Variants in PTPN11 observed in about 807,000 individuals in gnomAD.
PTPN11 encodes the protein tyrosine-protein phosphatase non-receptor type 11.
PTPN11 carries 6 observed loss-of-function variants against 78.8 expected under a neutral mutation model. The ratio of observed to expected loss-of-function variants is 0.08; its 90% CI spans 0.04 to 0.15. The LOEUF is 0.15. Ranked by LOEUF, PTPN11 falls within the 10% of genes least tolerant of loss-of-function variation. The pLI, the probability that PTPN11 is intolerant of heterozygous loss-of-function variation, is 1.00. For synonymous variants in PTPN11, 221 were observed against 263.5 expected, an observed-to-expected ratio of 0.84 and a Z score of 1.56; for missense variants, 386 against 744.8, an observed-to-expected ratio of 0.52 and a Z score of 5.61.
intron 1 of PTPN11, among the ~76,000 whole-genome samples, chr12:112,440,151 G>T (rs941831414): frequency 1.3e-5 from 2 of 152,176 alleles, no homozygotes; most frequent in African/African-American, 4.8e-5. Context: ...AAGCTGCAAG[G>T]AAGGATTTTT....
At chr12:112,454,465 G>A in intron 4 of PTPN11, 99 bp from the exon 5 acceptor site, 1 of 891,780 alleles carries the variant, frequency 1.1e-6, no homozygotes, top group Non-Finnish European at 1.9e-6. Context: ...CTATATACTA[G>A]CTATTGTGAA....
At chr12:112,443,041 G>A (rs926863109) in intron 1 of PTPN11, among the ~76,000 whole-genome samples, 2 of 150,220 alleles carry the variant, frequency 1.3e-5, no homozygotes, top group African/African-American at 2.4e-5. Context: ...CAGACATGGC[G>A]TCTCATTGCT....
chr12:112,469,498 T>G (rs1566176895), intron 6 of PTPN11, among the ~76,000 whole-genome samples: 1 of 152,154 alleles, frequency 6.6e-6, no homozygotes, highest in Non-Finnish European at 1.5e-5. Flanking sequence ...TTTGTGCAAG[T>G]AAGGGCAATT....
chr12:112,430,095 A>G (rs1169476805), intron 1 of PTPN11, among the ~76,000 whole-genome samples: 2 of 151,740 alleles, frequency 1.3e-5, no homozygotes, highest in Non-Finnish European at 2.9e-5. Context: ...ATCTCGGCTC[A>G]CTGCAACCTC....
intron 10 of PTPN11, among the ~76,000 whole-genome samples, chr12:112,484,046 T>C (rs2038637736): frequency 6.6e-6 from 1 of 150,912 alleles, no homozygotes; most frequent in Admixed American, 6.6e-5. Context: ...TAGAGGGACA[T>C]GTTTTTCTGT....
intron 6 of PTPN11, among the ~76,000 whole-genome samples, chr12:112,465,043 T>A (rs2038304748): frequency 6.6e-6 from 1 of 152,258 alleles, no homozygotes; most frequent in African/African-American, 2.4e-5. Context: ...AGGCCGGTTA[T>A]AATTCTGTAA....
intron 6 of PTPN11, among the ~76,000 whole-genome samples, chr12:112,461,888 C>T (rs1222935581): frequency 6.6e-6 from 1 of 152,110 alleles, no homozygotes; most frequent in Non-Finnish European, 1.5e-5. Context: ...CCATGTATCT[C>T]CTTTCTCTAA....
rs755974096 is a variant in PTPN11, at chr12:112,504,491, C to T, written c.1713-204C>T. Among the ~76,000 whole-genome samples, 7 of 152,218 alleles carry T rather than the reference C, an allele frequency of 4.6e-5. No individual in the cohort carries two copies. Among genetic ancestry groups the T allele is most frequent in the Non-Finnish European group, 8.8e-5 (6 of 68,034 alleles). On this transcript the variant is annotated intron_variant, in intron 14 of 15. Transcript: ENST00000351677. This position sits in a 1 kb window ranked among gnomAD's most constrained non-coding sequence, Gnocchi z 4.7. ...TACAGGCGTGAGCCACCATGCCCAG[C>T]GTTATTTCACTTCTGCCTCTGTAAT...
chr12:112,468,903 A>T (rs1213500826), intron 6 of PTPN11, among the ~76,000 whole-genome samples: 1 of 152,154 alleles, frequency 6.6e-6, no homozygotes. Flanking sequence ...GTCTTTACAA[A>T]AAGGAAAAGA....
chr12:112,450,582 G>T, intron 3 of PTPN11, 70 bp downstream of exon 3: 4 of 1,417,276 alleles, frequency 2.8e-6, no homozygotes, highest in Non-Finnish European at 4.0e-6. Flanking sequence ...ATGCATGACG[G>T]TCTGTGTATG....
At chr12:112,458,728 G>A (rs1363191434) in intron 6 of PTPN11, among the ~76,000 whole-genome samples, 1 of 152,162 alleles carries the variant, frequency 6.6e-6, no homozygotes, top group Non-Finnish European at 1.5e-5. Flanking sequence ...GTGATGAAAA[G>A]CATCAGTGAA....
At position 112,508,171 on chromosome 12, in the gene PTPN11, T is replaced by A. The variant is rs1178934728; in HGVS notation, c.*2379T>A. 2 of 152,660 alleles carry A rather than the reference T, an allele frequency of 1.3e-5. No individual in the cohort carries two copies. The highest frequency in any genetic ancestry group is 2.9e-5 in the Non-Finnish European group (2 of 68,046). 9.5% of individuals were successfully genotyped at this position (152,660 alleles called of 1,614,324 possible). A position where few individuals can be genotyped will look rare whatever the true frequency, so the allele number is the denominator to read the frequency against. ...CTTTTATACTCAGAATGGAAATACCTGATCTTGGCTAGTTTTGTTATAAGA... is the reference window on the plus strand; with the variant it reads ...CTTTTATACTCAGAATGGAAATACCAGATCTTGGCTAGTTTTGTTATAAGA... On this transcript the variant is annotated 3_prime_UTR_variant, in exon 16 of 16. Transcript: ENST00000351677.
chr12:112,419,308 C>G (rs994222021), intron 1 of PTPN11, among the ~76,000 whole-genome samples, 183 bp downstream of exon 1: 5 of 152,138 alleles, frequency 3.3e-5, no homozygotes. Context: ...ACCGCGCCCC[C>G]ACCCCTCGGG....
In PTPN11 at chr12:112,508,258, T is replaced by G. The variant is rs2038960218; in HGVS notation, c.*2466T>G. On this transcript the variant is annotated 3_prime_UTR_variant, in exon 16 of 16. Transcript: ENST00000351677. ...CAAACTATCATGTTCTTATGTAAACTTAGGCCAAGGCCAGAGTTATCATAG... is the reference window on the plus strand; with the variant it reads ...CAAACTATCATGTTCTTATGTAAACGTAGGCCAAGGCCAGAGTTATCATAG... 1 of 152,662 alleles carries G rather than the reference T, an allele frequency of 6.6e-6. No homozygotes were observed. Among genetic ancestry groups the G allele is most frequent in the South Asian group, 2.1e-4 (1 of 4,828 alleles). The allele number at this position is 152,662 out of a possible 1,614,324, so 9.5% of individuals were successfully genotyped here. A position where few individuals can be genotyped will look rare whatever the true frequency, so the allele number is the denominator to read the frequency against.
chr12:112,470,788 C>T (rs1311014235), intron 6 of PTPN11, among the ~76,000 whole-genome samples: 3 of 152,030 alleles, frequency 2.0e-5, no homozygotes, highest in Admixed American at 2.0e-4. Flanking sequence ...TTGTTGATGT[C>T]GTTTCACTTC....
chr12:112,488,606 G>C, intron 12 of PTPN11, 96 bp downstream of exon 12: 1 of 1,297,076 alleles, frequency 7.7e-7, no homozygotes, highest in Non-Finnish European at 1.1e-6. Context: ...AGGTTGAATG[G>C]GAAAATTCTT....
chr12:112,485,299 A>T (rs1275743335), intron 10 of PTPN11, among the ~76,000 whole-genome samples: 2 of 152,208 alleles, frequency 1.3e-5, no homozygotes, highest in Non-Finnish European at 2.9e-5. Flanking sequence ...ATATATAGGA[A>T]GAAGATGTAG....
Position 112,478,528 on chromosome 12 carries a change from C to G in PTPN11, c.1092+513C>G, listed in dbSNP as rs2038545783. 2.0e-5 allele frequency among the ~76,000 whole-genome samples: 3 copies of G among 152,086 alleles called. No individual in the cohort carries two copies. The South Asian group carries it at 6.2e-4, about 32-fold the overall frequency. On this transcript the variant is annotated intron_variant, in intron 9 of 15. Coordinates refer to ENST00000351677, the MANE Select transcript of PTPN11 (RefSeq NM_002834.5). ...TGGTTTATTTTATTCAGTTTTTTCT[C>G]CCCGTGTTTCATTTCGAATAGCTTC...
intron 13 of PTPN11, among the ~76,000 whole-genome samples, chr12:112,500,316 G>T (rs565737426): frequency 2.0e-4 from 31 of 152,250 alleles, no homozygotes; most frequent in African/African-American, 7.5e-4. Flanking sequence ...GAATTATATT[G>T]TATCTTTCTA....
Sources: allele counts gnomAD v4.1 joint callset (sites outside exome capture counted in the v4.1 genomes callset), GRCh38; gene constraint gnomAD v4.1.1; non-coding constraint Gnocchi (gnomAD v3.1); transcripts MANE v1.5; gene names NCBI Gene and HGNC (gene_info 2026-07-23, HGNC 2026-07-21).